Variants in SEMA3D observed in about 807,000 individuals in gnomAD.
SEMA3D encodes semaphorin-3D.
In SEMA3D, 84 loss-of-function variants were observed where a neutral mutation model predicts 100.1. That is an observed-to-expected ratio of 0.84 (90% CI 0.70 to 1.01). The LOEUF is 1.01. Ranked by LOEUF, SEMA3D falls within the 50% of genes least tolerant of loss-of-function variation. The pLI, the probability that SEMA3D is intolerant of heterozygous loss-of-function variation, is 0.00. For synonymous variants in SEMA3D, 312 were observed against 320.7 expected (o/e 0.97, Z 0.29); for missense variants, 875 against 934.1 (o/e 0.94, Z 0.82).
rs1236687997 is a variant in SEMA3D at position 85,142,454 on chromosome 7, CAG to C, written c.-41+11152_-41+11153del. On this transcript the variant is annotated intron_variant, in intron 2 of 18. Transcript: ENST00000284136. ...TGTCATAATTTATTTATAAAAGACACAGATTACATCAGGGAAATAAGGCATCT... is the reference window on the plus strand; with the variant it reads ...TGTCATAATTTATTTATAAAAGACACATTACATCAGGGAAATAAGGCATCT... The C allele has an allele frequency of 3.1e-6, 3 of 963,574 alleles. No individual in the cohort carries two copies. The African/African-American group carries it at 5.3e-5, about 17-fold the overall frequency. The allele number at this position is 963,574 out of a possible 1,614,324, so 59.7% of individuals were successfully genotyped here.
chr7:85,159,689 T>G (rs538063758), intron 1 of SEMA3D, among the ~76,000 whole-genome samples: 1 of 152,336 alleles, frequency 6.6e-6, no homozygotes, highest in South Asian at 2.1e-4. Context: ...TGTCTTATTC[T>G]CACTTAATCA....
At chr7:85,062,574 C>T (rs777051094) in intron 8 of SEMA3D, among the ~76,000 whole-genome samples, 9 of 152,084 alleles carry the variant, frequency 5.9e-5, no homozygotes, top group Non-Finnish European at 8.8e-5. Flanking sequence ...TATTGAAGGA[C>T]AGGTTTGAAA....
chr7:85,148,460 T>C (rs1790276932), intron 2 of SEMA3D, among the ~76,000 whole-genome samples: 1 of 152,210 alleles, frequency 6.6e-6, no homozygotes. Context: ...ATAAGATTTC[T>C]ACTAACGTCC....
chr7:85,219,108 T>A, the SEMA3D span, among the ~76,000 whole-genome samples: 1 of 152,140 alleles, frequency 6.6e-6, no homozygotes, highest in East Asian at 1.9e-4. Flanking sequence ...AAACAATGGG[T>A]GTACAGCTTA....
intron 9 of SEMA3D, among the ~76,000 whole-genome samples, chr7:85,050,025 G>T (rs1015546318): frequency 6.7e-6 from 1 of 149,546 alleles, no homozygotes; most frequent in African/African-American, 2.5e-5. Context: ...CTCACCGAAA[G>T]AACTAGTATT....
chr7:85,102,897 A>G (rs917609580), intron 3 of SEMA3D, among the ~76,000 whole-genome samples: 2 of 152,098 alleles, frequency 1.3e-5, no homozygotes, highest in Non-Finnish European at 2.9e-5. Flanking sequence ...CAACTTTACA[A>G]GAAAAAACAG....
At chr7:85,124,540 T>C (rs1440240933) in intron 2 of SEMA3D, among the ~76,000 whole-genome samples, 1 of 112,582 alleles carries the variant, frequency 8.9e-6, no homozygotes, top group Non-Finnish European at 1.9e-5. Context: ...ATAAAATAAA[T>C]TTAAAATGGA....
At chr7:85,041,651 A>C (rs986383252) in intron 10 of SEMA3D, 1 of 152,432 alleles carries the variant, frequency 6.6e-6, no homozygotes, top group Non-Finnish European at 1.5e-5. Context: ...TAAACAAAAA[A>C]GAAAAAAATC....
At chr7:85,243,460 C>T in the SEMA3D span, among the ~76,000 whole-genome samples, 1 of 152,206 alleles carries the variant, frequency 6.6e-6, no homozygotes, top group East Asian at 1.9e-4. Context: ...TAGAGGTGTC[C>T]GTTTGTGGGT....
At chr7:85,074,551 G>A (rs566989018) in intron 5 of SEMA3D, among the ~76,000 whole-genome samples, 35 of 151,840 alleles carry the variant, frequency 2.3e-4, no homozygotes, top group African/African-American at 8.0e-4. Flanking sequence ...ATATCCTAGT[G>A]GTTGCTTTGA....
At chr7:85,132,673 GTATTA>G (rs1350998001) in intron 2 of SEMA3D, among the ~76,000 whole-genome samples, 1 of 151,762 alleles carries the variant, frequency 6.6e-6, no homozygotes, top group Non-Finnish European at 1.5e-5. Context: ...TAATGTCAAT[GTATTA>G]TATAATTCCA....
chr7:85,065,406 CAA>C lies in SEMA3D; in HGVS notation c.718+16_718+17del. ...CCAAAGCAAGACAATCAAAAGTAAACAAAAAAAAATCACAAACCATTGAGCCA... is the reference window on the plus strand; with the variant it reads ...CCAAAGCAAGACAATCAAAAGTAAACAAAAAAATCACAAACCATTGAGCCA... On this transcript the variant is annotated intron_variant, in intron 8 of 18. Transcript: ENST00000284136. The C allele has an allele frequency of 6.3e-7, 1 of 1,588,682 alleles. No homozygotes were observed. Among genetic ancestry groups the C allele is most frequent in the Non-Finnish European group, 8.6e-7 (1 of 1,162,598 alleles).
chr7:85,144,704 A>T, intron 2 of SEMA3D: 1 of 984,600 alleles, frequency 1.0e-6, no homozygotes, highest in Non-Finnish European at 1.2e-6. Flanking sequence ...GTTTGTTCTT[A>T]TTTGTTCTCT....
At chr7:85,057,826 G>A (rs1198223364) in intron 8 of SEMA3D, among the ~76,000 whole-genome samples, 2 of 152,144 alleles carry the variant, frequency 1.3e-5, no homozygotes, top group Non-Finnish European at 2.9e-5. Context: ...AGCTACTTGG[G>A]AGGCTGAGGC....
intron 5 of SEMA3D, among the ~76,000 whole-genome samples, chr7:85,076,574 G>T (rs1486041126): frequency 6.6e-6 from 1 of 152,122 alleles, no homozygotes; most frequent in Non-Finnish European, 1.5e-5. Context: ...TATCTATTCT[G>T]ATAACTGACT....
chr7:85,134,626 G>A (rs984126901), intron 2 of SEMA3D, among the ~76,000 whole-genome samples: 1 of 151,796 alleles, frequency 6.6e-6, no homozygotes, highest in African/African-American at 2.4e-5. Flanking sequence ...ACATGAATTC[G>A]GGATATCTAT....
intron 1 of SEMA3D, among the ~76,000 whole-genome samples, chr7:85,161,934 G>T (rs182877917): frequency 6.6e-6 from 1 of 152,192 alleles, no homozygotes; most frequent in African/African-American, 2.4e-5. Context: ...AAACTCTGAA[G>T]AAATGAAATT....
chr7:84,999,413 ATTCTT>A lies in SEMA3D; in HGVS notation c.*22_*26del, dbSNP rs780221160. The A allele has an allele frequency of 6.3e-7, 1 of 1,582,286 alleles. No homozygotes were observed. On this transcript the variant is annotated 3_prime_UTR_variant, in exon 19 of 19. Coordinates refer to ENST00000284136, the MANE Select transcript of SEMA3D (RefSeq NM_001384900.1). ...AAGGCAATGTTTTTATAGGTAAGGAATTCTTTTCTTTAAATTAAGTAGAAAACTAC... is the reference window on the plus strand; with the variant it reads ...AAGGCAATGTTTTTATAGGTAAGGAATTCTTTAAATTAAGTAGAAAACTAC...
At chr7:85,159,260 AT>A (rs1790679468) in intron 1 of SEMA3D, among the ~76,000 whole-genome samples, 1 of 152,126 alleles carries the variant, frequency 6.6e-6, no homozygotes, top group Non-Finnish European at 1.5e-5. Context: ...CAAATTTTTC[AT>A]TGCAGCAAGT....
Sources: allele counts gnomAD v4.1 joint callset (sites outside exome capture counted in the v4.1 genomes callset), GRCh38; gene constraint gnomAD v4.1.1; transcripts MANE v1.5; gene names NCBI Gene and HGNC (gene_info 2026-07-23, HGNC 2026-07-21).